Variants in NBAS observed in about 807,000 individuals in gnomAD.
The protein encoded by NBAS is NBAS subunit of NRZ tethering complex.
A neutral mutation model predicts 302.5 loss-of-function variants in NBAS; 219 were observed. That is an observed-to-expected ratio of 0.72 (90% CI 0.65 to 0.81). The LOEUF (loss-of-function observed/expected upper bound fraction) is 0.81, where lower values mean the gene tolerates loss of function less well. NBAS is among the 30% of genes least tolerant of loss of function. The pLI, the probability that NBAS is intolerant of heterozygous loss-of-function variation, is 0.00. For missense variants in NBAS, 2,932 were observed against 2,841.6 expected, an observed-to-expected ratio of 1.03 and a Z score of -0.72; for synonymous variants, 1,118 against 1,021.6, an observed-to-expected ratio of 1.09 and a Z score of -1.80.
the NBAS span, among the ~76,000 whole-genome samples, chr2:14,939,670 A>C: frequency 6.6e-6 from 1 of 152,222 alleles, no homozygotes; most frequent in Non-Finnish European, 1.5e-5. Flanking sequence ...GACTAAACTA[A>C]GTAATCTGAA....
In NBAS at chr2:15,308,229, T is replaced by C. The variant is rs139483814; in HGVS notation, c.4784A>G (p.His1595Arg). The C allele has an allele frequency of 6.2e-6, 10 of 1,614,076 alleles. No individual in the cohort carries two copies. The African/African-American group carries it at 1.2e-4, about 19-fold the overall frequency. ...ATGAAGACTCACCCTGTAAAGAGGA[T>C]GGCACTTGTCCCTGAAACATGGGGC... ...RLAPCFRDKCHPLYRADPKEL... is the reference protein window; with the variant it reads ...RLAPCFRDKCRPLYRADPKEL... The change falls in exon 40 of 52, where the codon CAT (histidine) becomes CGT (arginine). Residue 1595 changes from histidine (H) to arginine (R), a missense_variant. By Grantham distance (29) the His-to-Arg change is conservative. Transcript: ENST00000281513.
intron 8 of NBAS, 150 bp downstream of exon 8, chr2:15,536,268 T>G (rs1015939213): frequency 1.2e-6 from 1 of 837,704 alleles, no homozygotes; most frequent in African/African-American, 1.7e-5. Flanking sequence ...AAGTAATGGG[T>G]GTTCACCACA....
rs182503545 is a variant in NBAS at position 15,475,443 on chromosome 2, A to G, written c.1341+244T>C. The stretch of plus-strand genomic sequence containing the variant: ...TGACTAATCGAGGGAGGAAAAAAAT[A>G]TATCATTTCAGTGAAAAAGAAATAC... On this transcript the variant is annotated intron_variant, in intron 14 of 51. Transcript: ENST00000281513. Among the ~76,000 whole-genome samples the G allele has an allele frequency of 2.0e-4, 31 of 152,304 alleles. No individual in the cohort carries two copies. The East Asian group carries it at 4.0e-3, about 20-fold the overall frequency.
the NBAS span, among the ~76,000 whole-genome samples, chr2:14,830,460 A>G: frequency 6.6e-6 from 1 of 152,112 alleles, no homozygotes; most frequent in Non-Finnish European, 1.5e-5. Flanking sequence ...CCCAGAAAAA[A>G]TTGGTTTTGC....
the NBAS span, among the ~76,000 whole-genome samples, chr2:14,810,903 T>G: frequency 1.3e-5 from 2 of 152,300 alleles, no homozygotes; most frequent in East Asian, 3.9e-4. Context: ...CATGAAACAC[T>G]TCTTGAGATT....
chr2:15,387,083 A>ATT (rs58841690), intron 28 of NBAS, among the ~76,000 whole-genome samples: 84,059 of 147,174 alleles, frequency 0.57, 25,060 homozygotes, highest in Non-Finnish European at 0.67. Context: ...TAAAGTATTA[A>ATT]TTTTTTTTTT....
At chr2:15,298,665 CCT>C (rs1670659111) in intron 40 of NBAS, among the ~76,000 whole-genome samples, 1 of 152,116 alleles carries the variant, frequency 6.6e-6, no homozygotes, top group Non-Finnish European at 1.5e-5. Context: ...AAATTCTTCC[CCT>C]GAGCTTATCA....
At chr2:15,185,538 G>A (rs1382456311) in intron 50 of NBAS, among the ~76,000 whole-genome samples, 1 of 152,140 alleles carries the variant, frequency 6.6e-6, no homozygotes, top group East Asian at 1.9e-4. Context: ...GCTGAATCCT[G>A]CCCTGGGTAT....
At chr2:15,029,338 T>A in the NBAS span, among the ~76,000 whole-genome samples, 3 of 152,262 alleles carry the variant, frequency 2.0e-5, no homozygotes, top group Non-Finnish European at 4.4e-5. Context: ...GAACCATAAT[T>A]GCATTATAAA....
At chr2:15,490,564 G>A (rs1680812748) in intron 11 of NBAS, among the ~76,000 whole-genome samples, 1 of 152,138 alleles carries the variant, frequency 6.6e-6, no homozygotes, top group South Asian at 2.1e-4. Flanking sequence ...AAGTCAATAA[G>A]CTCCATGGTT....
intron 44 of NBAS, among the ~76,000 whole-genome samples, chr2:15,242,295 A>T (rs1667900607): frequency 6.6e-6 from 1 of 152,224 alleles, no homozygotes; most frequent in Non-Finnish European, 1.5e-5. Context: ...CAAGAGAACT[A>T]AATATTTCAA....
the NBAS span, among the ~76,000 whole-genome samples, chr2:15,010,128 T>C: frequency 2.6e-5 from 4 of 152,266 alleles, no homozygotes; most frequent in African/African-American, 7.2e-5. Flanking sequence ...TCTCTTTTTA[T>C]AGTGAGTCCA....
At chr2:15,317,088 G>A (rs1437276456) in intron 38 of NBAS, among the ~76,000 whole-genome samples, 1 of 152,200 alleles carries the variant, frequency 6.6e-6, no homozygotes, top group African/African-American at 2.4e-5. Context: ...GCCTCCATTG[G>A]TGATGAACAG....
chr2:15,152,923 T>C, the NBAS span, among the ~76,000 whole-genome samples: 1 of 152,216 alleles, frequency 6.6e-6, no homozygotes, highest in East Asian at 1.9e-4. Flanking sequence ...AGAATATTTT[T>C]TACAGAAGTA....
chr2:15,233,613 A>T (rs73194969), intron 46 of NBAS, among the ~76,000 whole-genome samples: 3,284 of 152,310 alleles, frequency 0.022, 92 homozygotes, highest in African/African-American at 0.071. Flanking sequence ...TATAATCAAC[A>T]TCAAAAAATC....
At chr2:14,831,637 G>A in the NBAS span, among the ~76,000 whole-genome samples, 1 of 152,138 alleles carries the variant, frequency 6.6e-6, no homozygotes, top group African/African-American at 2.4e-5. Flanking sequence ...AATCAAGGAA[G>A]CTAGTGCAGC....
chr2:14,969,031 T>A, the NBAS span, among the ~76,000 whole-genome samples: 2 of 152,162 alleles, frequency 1.3e-5, no homozygotes, highest in Non-Finnish European at 2.9e-5. Flanking sequence ...AATGAAGTAC[T>A]GACAAACATG....
the NBAS span, among the ~76,000 whole-genome samples, chr2:15,027,584 G>A: frequency 6.6e-6 from 1 of 151,962 alleles, no homozygotes; most frequent in African/African-American, 2.4e-5. Context: ...AAAAAATATA[G>A]TTTTACTTCT....
chr2:15,423,789 A>G (rs1358419207), intron 23 of NBAS, among the ~76,000 whole-genome samples: 1 of 152,178 alleles, frequency 6.6e-6, no homozygotes, highest in East Asian at 1.9e-4. Context: ...GTATTCAGAT[A>G]CTCTAAGGTT....
Sources: gnomAD v4.1 joint callset for allele counts (sites outside exome capture counted in the v4.1 genomes callset) on GRCh38, gnomAD v4.1.1 for gene constraint, MANE v1.5 for transcripts, NCBI Gene and HGNC (gene_info 2026-07-23, HGNC 2026-07-21) for gene names.